ICE1: variants seen among roughly 807,000 people sequenced by gnomAD.
ICE1 encodes little elongation complex subunit 1.
Under a neutral mutation model 192.7 loss-of-function variants are expected in ICE1, and 64 were observed. The ratio of observed to expected loss-of-function variants is 0.33; its 90% CI spans 0.27 to 0.41. The LOEUF is 0.41. Among genes scored for constraint, ICE1 ranks in the 10% least tolerant of loss-of-function variants. The pLI, the probability that ICE1 is intolerant of heterozygous loss-of-function variation, is 1.00. For synonymous variants in ICE1, 1,010 were observed against 984.5 expected (o/e 1.03, Z -0.49); for missense variants, 2,708 against 2,696.0 (o/e 1.00, Z -0.10).
rs1314331791 is a variant in ICE1, at chr5:5,463,244, C to T, written c.3910C>T (p.Pro1304Ser). The change falls in exon 13 of 19, where the codon CCA becomes TCA. Residue 1304 changes from proline to serine, a missense_variant. By Grantham distance (74) the Pro-to-Ser change is moderately conservative. This residue lies in a region of ICE1 where 2,366 missense variants were observed against 2,276.6 expected (regional missense o/e 1.04). Transcript: ENST00000296564. ...CACTGAGAATTTAAAAGAGAAAAGTCCATTTCGGGAAACGACTGGCTCCTC... is the reference window on the plus strand; with the variant it reads ...CACTGAGAATTTAAAAGAGAAAAGTTCATTTCGGGAAACGACTGGCTCCTC... ...MTTENLKEKSPFRETTGSSSH... is the reference protein window; with the variant it reads ...MTTENLKEKSSFRETTGSSSH... 6.2e-7 allele frequency: 1 copy of T among 1,612,580 alleles called. No homozygotes were observed. The highest frequency in any genetic ancestry group is 1.7e-5 in the Admixed American group (1 of 59,812).
At chr5:5,446,270 A>AG (rs1738220937) in intron 7 of ICE1, among the ~76,000 whole-genome samples, 2 of 150,462 alleles carry the variant, frequency 1.3e-5, no homozygotes, top group African/African-American at 4.9e-5. Flanking sequence ...TGCTGATACT[A>AG]CAGGTGTGAG....
In ICE1 at chr5:5,468,932, C is replaced by G; in HGVS notation, c.6166C>G (p.Gln2056Glu). ...TAAAGCAATGCAGTTAGTTGCCAGG[C>G]AACGTGCTAAAGGAGAGGTTCTGAA... The part of the protein sequence containing the change: ...INKAMQLVAR[Q>E]RAKGEVLNCL... Residue 2056 changes from glutamine to glutamate, a missense_variant, in exon 15 of 19, where the codon CAA becomes GAA. By Grantham distance (29) the Gln-to-Glu change is conservative. Coordinates refer to ENST00000296564, the MANE Select transcript of ICE1 (RefSeq NM_015325.3). 6.2e-7 allele frequency: 1 copy of G among 1,606,720 alleles called. No individual in the cohort carries two copies.
At chr5:5,473,307 G>A (rs1739219410) in intron 15 of ICE1, among the ~76,000 whole-genome samples, 1 of 152,164 alleles carries the variant, frequency 6.6e-6, no homozygotes, top group African/African-American at 2.4e-5. Context: ...CTGGATTACA[G>A]GTAAGCTCTT....
At chr5:5,478,592 A>T (rs984155751) in intron 17 of ICE1, among the ~76,000 whole-genome samples, 1 of 152,240 alleles carries the variant, frequency 6.6e-6, no homozygotes, top group Admixed American at 6.5e-5. Context: ...GCAGAATTAG[A>T]AAAAACTACT....
At chr5:5,435,104 C>CTGGAA (rs1179174717) in intron 1 of ICE1, among the ~76,000 whole-genome samples, 2 of 152,114 alleles carry the variant, frequency 1.3e-5, no homozygotes, top group Admixed American at 1.3e-4. Context: ...TCTGTAAAGA[C>CTGGAA]TGGAAAAGGA....
At chr5:5,444,570 G>A (rs1044410757) in intron 7 of ICE1, among the ~76,000 whole-genome samples, 2 of 152,172 alleles carry the variant, frequency 1.3e-5, no homozygotes, top group African/African-American at 2.4e-5. Context: ...CAAAGTAATC[G>A]CAGCCCATAC....
chr5:5,474,172 T>G (rs1739246839), intron 16 of ICE1, among the ~76,000 whole-genome samples: 2 of 149,728 alleles, frequency 1.3e-5, no homozygotes, highest in Middle Eastern at 3.4e-3. Context: ...ATTGTGCCAC[T>G]GCACTCCAGC....
intron 17 of ICE1, among the ~76,000 whole-genome samples, chr5:5,486,211 C>T (rs1739634659): frequency 6.6e-6 from 1 of 152,244 alleles, no homozygotes; most frequent in Non-Finnish European, 1.5e-5. Flanking sequence ...AGAATAACTC[C>T]CATTTAGCGA....
chr5:5,447,939 C>G (rs781211333), intron 10 of ICE1, 42 bp downstream of exon 10: 1 of 1,449,262 alleles, frequency 6.9e-7, no homozygotes, highest in Admixed American at 2.0e-5. Flanking sequence ...GTGTATTGCT[C>G]TTAGTGGGTT....
chr5:5,464,325 C>T lies in ICE1; in HGVS notation c.4991C>T (p.Ser1664Phe). Residue 1664 changes from serine (S) to phenylalanine (F), a missense_variant, in exon 13 of 19, where the codon TCT becomes TTT. By Grantham distance (155) the Ser-to-Phe change is radical (BLOSUM62 -2). Coordinates refer to ENST00000296564, the MANE Select transcript of ICE1 (RefSeq NM_015325.3). This position sits in a 1 kb window ranked among gnomAD's most constrained non-coding sequence, Gnocchi z 4.0. ...AGTTCTAGTCCTTCCTCACCAGCCT[C>T]TCCTGTTGGCCAGGTTTCTCCCTTC... ...ISSSSPSSPA[S>F]PVGQVSPFRE... is the part of the protein sequence containing the mutation. The T allele has an allele frequency of 6.2e-7, 1 of 1,613,782 alleles. No homozygotes were observed. Among genetic ancestry groups the T allele is most frequent in the Non-Finnish European group, 8.5e-7 (1 of 1,179,854 alleles).
At chr5:5,459,798 TAACTC>T (rs565068041) in intron 12 of ICE1, among the ~76,000 whole-genome samples, 6 of 152,130 alleles carry the variant, frequency 3.9e-5, no homozygotes, top group Admixed American at 1.3e-4. Context: ...TCTAGGCAGT[TAACTC>T]AAGAGGAGAC....
At position 5,462,771 on chromosome 5, in the gene ICE1, C is replaced by G; in HGVS notation, c.3437C>G (p.Ser1146Cys). ...GCTGCTGTAGCCGAGGTGAGACCTT[C>G]CTTAGAGGTAGGTTATTTGACGTCA... ...TDAAVAEVRP[S>C]LEVGYLTSAL... Residue 1146 changes from serine to cysteine, a missense_variant, in exon 13 of 19, where the codon TCC becomes TGC. By Grantham distance (112) the Ser-to-Cys change is moderately radical. Around this residue, in one of 2 missense-constraint regions of ICE1, gnomAD observed 2,366 missense variants for 2,276.6 expected, o/e 1.04. Transcript: ENST00000296564. 6.2e-7 allele frequency: 1 copy of G among 1,613,656 alleles called. No homozygotes were observed. Among genetic ancestry groups the G allele is most frequent in the Non-Finnish European group, 8.5e-7 (1 of 1,179,754 alleles).
chr5:5,449,805 A>G (rs377520720), intron 10 of ICE1, among the ~76,000 whole-genome samples: 66 of 152,302 alleles, frequency 4.3e-4, no homozygotes, highest in African/African-American at 1.1e-3. Flanking sequence ...AGCTATGACA[A>G]TGGAGCTCCT....
In ICE1 at chr5:5,464,816, C is replaced by T; in HGVS notation, c.5482C>T (p.Gln1828Ter). 1.2e-6 allele frequency: 2 copies of T among 1,613,560 alleles called. No homozygotes were observed. Among genetic ancestry groups the T allele is most frequent in the Non-Finnish European group, 1.7e-6 (2 of 1,179,686 alleles). The change falls in exon 13 of 19, where the codon CAG (glutamine) becomes TAG (stop). Residue 1828 changes from glutamine to a stop codon, truncating the protein, a stop_gained. Transcript: ENST00000296564. LOFTEE classifies it high-confidence loss of function. The surrounding 1 kb of genome is among the most constrained non-coding windows in gnomAD (Gnocchi z 4.0). ...AGACAAGTCAAGAGATTTGGGGACT[C>T]AGCAGGATTCAAGCGGGAAAAGAAC... ...NQDKSRDLGT[Q>*]QDSSGKRTLS...
chr5:5,452,042 A>G (rs1176412718), intron 10 of ICE1, among the ~76,000 whole-genome samples: 1 of 152,134 alleles, frequency 6.6e-6, no homozygotes, highest in Non-Finnish European at 1.5e-5. Flanking sequence ...TTCAGCACGT[A>G]GTCCCAATTT....
Position 5,489,510 on chromosome 5 carries a change from G to A in ICE1, c.*180G>A, listed in dbSNP as rs531657694. On this transcript the variant is annotated 3_prime_UTR_variant, in exon 19 of 19. Coordinates refer to ENST00000296564, the MANE Select transcript of ICE1 (RefSeq NM_015325.3). Reference sequence around the variant, plus strand: ...AGGAGAAACAAGCAGTCGCATAGTCGTTTTTCCCTAAATCTAATACGTTTC... The same window carrying A: ...AGGAGAAACAAGCAGTCGCATAGTCATTTTTCCCTAAATCTAATACGTTTC... The A allele has an allele frequency of 8.9e-5, 48 of 541,704 alleles. No homozygotes were observed. The highest frequency in any genetic ancestry group is 1.2e-4 in the Non-Finnish European group (37 of 316,190). 33.6% of individuals were successfully genotyped at this position (541,704 alleles called of 1,614,324 possible).
At chr5:5,445,250 A>G (rs1738179416) in intron 7 of ICE1, among the ~76,000 whole-genome samples, 1 of 152,126 alleles carries the variant, frequency 6.6e-6, no homozygotes, top group Admixed American at 6.6e-5. Flanking sequence ...TTTGGACTGG[A>G]ACTCTAAATA....
chr5:5,462,032 A>G lies in ICE1; in HGVS notation c.2698A>G (p.Thr900Ala), dbSNP rs1037766658. Residue 900 changes from threonine to alanine, a missense_variant, in exon 13 of 19, where the codon ACT becomes GCT. Physicochemically the swap from Thr to Ala is moderately conservative, Grantham distance 58. Coordinates refer to ENST00000296564, the MANE Select transcript of ICE1 (RefSeq NM_015325.3). The part of the protein sequence containing the change: ...ENSGNKTGMS[T>A]VAKCDGERDD... ...TAGTGGCAACAAAACCGGTATGTCA[A>G]CTGTAGCAAAATGTGATGGGGAAAG... is the stretch of plus-strand genomic sequence containing the variant. 1.2e-6 allele frequency: 2 copies of G among 1,613,994 alleles called. No homozygotes were observed. Among genetic ancestry groups the G allele is most frequent in the African/African-American group, 1.3e-5 (1 of 75,064 alleles).
In ICE1 at chr5:5,456,426, C is replaced by A. The variant is rs1029933676; in HGVS notation, c.692-906C>A. On this transcript the variant is annotated intron_variant, in intron 11 of 18. Transcript: ENST00000296564. ...CTGCATTCATTAATTGGAATTCTTA[C>A]GTAAGGAAGAGCTGTTCCTTATCTA... Among the ~76,000 whole-genome samples, 4 of 152,298 alleles carry A rather than the reference C, an allele frequency of 2.6e-5. No individual in the cohort carries two copies. The East Asian group carries it at 7.7e-4, about 29-fold the overall frequency.
Sources: gnomAD v4.1 joint callset for allele counts (sites outside exome capture counted in the v4.1 genomes callset) on GRCh38, gnomAD v4.1.1 for gene constraint, gnomAD v4.1.1 regional missense constraint, Gnocchi (gnomAD v3.1) non-coding constraint, MANE v1.5 for transcripts, NCBI Gene and HGNC (gene_info 2026-07-23, HGNC 2026-07-21) for gene names.